Variants in PAPOLG observed in about 807,000 individuals in gnomAD.
PAPOLG encodes PAP-gamma.
A neutral mutation model predicts 99.0 loss-of-function variants in PAPOLG; 40 were observed. That is an observed-to-expected ratio of 0.40 (90% CI 0.31 to 0.53). The LOEUF (loss-of-function observed/expected upper bound fraction) is 0.53. Among genes scored for constraint, PAPOLG ranks in the 20% least tolerant of loss-of-function variants. PAPOLG has a pLI of 0.41. For synonymous variants in PAPOLG, 310 were observed against 299.3 expected, an observed-to-expected ratio of 1.04 and a Z score of -0.37; for missense variants, 675 against 884.1, an observed-to-expected ratio of 0.76 and a Z score of 3.00.
At chr2:60,762,522 T>G (rs1670548917) in intron 3 of PAPOLG, among the ~76,000 whole-genome samples, 1 of 152,190 alleles carries the variant, frequency 6.6e-6, no homozygotes, top group Non-Finnish European at 1.5e-5. Flanking sequence ...TTTCAGATCC[T>G]TTTGCATACT....
At chr2:60,780,370 G>T (rs1218630129) in intron 9 of PAPOLG, among the ~76,000 whole-genome samples, 1 of 151,394 alleles carries the variant, frequency 6.6e-6, no homozygotes, top group Non-Finnish European at 1.5e-5. Context: ...CTGCCTCCTG[G>T]GCTCAAGTGA....
In PAPOLG at chr2:60,769,780, C is replaced by T. The variant is rs533972622; in HGVS notation, c.439-678C>T. Among the ~76,000 whole-genome samples, 30 of 152,006 alleles carry T rather than the reference C, an allele frequency of 2.0e-4. No homozygotes were observed. The South Asian group carries it at 6.0e-3, about 30-fold the overall frequency. On this transcript the variant is annotated intron_variant, in intron 5 of 21. Transcript: ENST00000238714. ...TGTTTTTTTAATTTTACTTTAAGTTCTGGAATACCATGTGCAGAACGTGCA... is the reference window on the plus strand; with the variant it reads ...TGTTTTTTTAATTTTACTTTAAGTTTTGGAATACCATGTGCAGAACGTGCA...
rs765292626 is a variant in PAPOLG at position 60,782,023 on chromosome 2, T to C, written c.1027+18T>C. On this transcript the variant is annotated intron_variant, in intron 11 of 21. Coordinates refer to ENST00000238714, the MANE Select transcript of PAPOLG (RefSeq NM_022894.4). ...TAAACAAGGTAAACATGTGGCCCTGTTGCCCTTTACATATTCCCACAAGTT... is the reference window on the plus strand; with the variant it reads ...TAAACAAGGTAAACATGTGGCCCTGCTGCCCTTTACATATTCCCACAAGTT... 1 of 1,611,766 alleles carries C rather than the reference T, an allele frequency of 6.2e-7. No individual in the cohort carries two copies.
chr2:60,796,476 C>T (rs2103832449), intron 21 of PAPOLG, among the ~76,000 whole-genome samples: 1 of 151,996 alleles, frequency 6.6e-6, no homozygotes, highest in Non-Finnish European at 1.5e-5. Context: ...TCTTTAATGC[C>T]CTCAGAATCC....
At chr2:60,794,454 T>A in intron 19 of PAPOLG, 1 of 569,182 alleles carries the variant, frequency 1.8e-6, no homozygotes, top group Non-Finnish European at 3.0e-6. Flanking sequence ...TGTGTTGATA[T>A]GCCCTGCTTC....
chr2:60,756,505 G>A lies in PAPOLG; in HGVS notation c.17+10G>A, dbSNP rs772644502. 2 of 1,602,270 alleles carry A rather than the reference G, an allele frequency of 1.2e-6. No individual in the cohort carries two copies. The highest frequency in any genetic ancestry group is 1.7e-5 in the Admixed American group (1 of 58,972). ...TGAAAGAGATGTCTGCGTAAGTGGT[G>A]GGGGGCGGCGGTTGGGGTGAGGCGG... On this transcript the variant is annotated intron_variant, in intron 1 of 21. Transcript: ENST00000238714.
intron 16 of PAPOLG, 109 bp downstream of exon 16, chr2:60,791,991 T>C (rs1172010319): frequency 1.4e-5 from 21 of 1,464,218 alleles, no homozygotes; most frequent in Middle Eastern, 1.8e-4. Context: ...AAGGAAGATA[T>C]AGGCAGTTCA....
intron 8 of PAPOLG, among the ~76,000 whole-genome samples, chr2:60,776,156 T>C (rs1161866212): frequency 1.3e-5 from 2 of 152,230 alleles, no homozygotes; most frequent in African/African-American, 4.8e-5. Context: ...TGAAAGTAAC[T>C]TTAATCTCCT....
intron 5 of PAPOLG, among the ~76,000 whole-genome samples, chr2:60,769,744 G>A (rs1289136273): frequency 6.6e-6 from 1 of 151,726 alleles, no homozygotes; most frequent in African/African-American, 2.4e-5. Context: ...GCAGGTTTTT[G>A]TTTTTTTGTT....
chr2:60,799,137 A>G lies in PAPOLG; in HGVS notation c.*1977A>G, dbSNP rs568703839. 8 of 152,510 alleles carry G rather than the reference A, an allele frequency of 5.2e-5. No homozygotes were observed. In the South Asian group the frequency reaches 1.2e-3, roughly 24 times the overall value. The allele number at this position is 152,510 out of a possible 1,614,324, so 9.4% of individuals were successfully genotyped here. On this transcript the variant is annotated 3_prime_UTR_variant, in exon 22 of 22. Coordinates refer to ENST00000238714, the MANE Select transcript of PAPOLG (RefSeq NM_022894.4). ...AGTAAGGAATTTGATTAAATTTTAT[A>G]TACTGGATGTGTATGCATTTCTGCA...
chr2:60,786,804 A>G, intron 13 of PAPOLG, 143 bp from the exon 14 acceptor site: 2 of 890,706 alleles, frequency 2.2e-6, no homozygotes, highest in South Asian at 3.7e-5. Flanking sequence ...TGCTGGGAGT[A>G]CAGATGTGAG....
chr2:60,758,684 C>T (rs1380822179), intron 1 of PAPOLG, among the ~76,000 whole-genome samples: 2 of 152,072 alleles, frequency 1.3e-5, no homozygotes, highest in East Asian at 3.8e-4. Context: ...CTGCCTTGGC[C>T]TCCCAGAGTA....
chr2:60,769,866 T>C (rs968640736), intron 5 of PAPOLG, among the ~76,000 whole-genome samples: 3 of 152,148 alleles, frequency 2.0e-5, no homozygotes, highest in Non-Finnish European at 4.4e-5. Context: ...ACCCATTATC[T>C]AGGTTTTAAG....
At chr2:60,782,588 G>T (rs1204250523) in intron 11 of PAPOLG, 98 bp from the exon 12 acceptor site, 5 of 1,353,338 alleles carry the variant, frequency 3.7e-6, no homozygotes, top group African/African-American at 3.2e-5. Flanking sequence ...TCGTCTGGTG[G>T]AGTTTGAGAT....
Position 60,761,368 on chromosome 2 carries a change from A to G in PAPOLG, c.180-373A>G, listed in dbSNP as rs189769686. On this transcript the variant is annotated intron_variant, in intron 2 of 21. Coordinates refer to ENST00000238714, the MANE Select transcript of PAPOLG (RefSeq NM_022894.4). ...AATTAGTCAAAGACCTATTACTAGC[A>G]ATGAGAGAATTCTAGCTTCTATTAC... 1.1e-4 allele frequency among the ~76,000 whole-genome samples: 17 copies of G among 152,358 alleles called. 1 individual carries two copies. The East Asian group carries it at 3.1e-3, about 28-fold the overall frequency.
chr2:60,775,078 G>C lies in PAPOLG; in HGVS notation c.649G>C (p.Glu217Gln). 6.2e-7 allele frequency: 1 copy of C among 1,613,428 alleles called. No homozygotes were observed. Among genetic ancestry groups the C allele is most frequent in the Non-Finnish European group, 8.5e-7 (1 of 1,179,770 alleles). Reference sequence around the variant, plus strand: ...AATTTTGCATTTAGTGCCAAATAAAGAAACTTTTAGACTCACCCTAAGAGC... The same window carrying C: ...AATTTTGCATTTAGTGCCAAATAAACAAACTTTTAGACTCACCCTAAGAGC... ...DEILHLVPNK[E>Q]TFRLTLRAVK... is the part of the protein sequence containing the mutation. Residue 217 changes from glutamate (E) to glutamine (Q), a missense_variant, in exon 8 of 22, where the codon GAA becomes CAA. This residue lies in a region of PAPOLG where 113 missense variants were observed against 231.5 expected (regional missense o/e 0.49). Coordinates refer to ENST00000238714, the MANE Select transcript of PAPOLG (RefSeq NM_022894.4).
At chr2:60,781,326 C>T (rs1671183400) in intron 10 of PAPOLG, among the ~76,000 whole-genome samples, 1 of 151,484 alleles carries the variant, frequency 6.6e-6, no homozygotes. Context: ...CACTGCACTC[C>T]AGCCTGGGTG....
At chr2:60,796,499 T>C (rs1409115716) in intron 21 of PAPOLG, among the ~76,000 whole-genome samples, 2 of 152,100 alleles carry the variant, frequency 1.3e-5, no homozygotes, top group African/African-American at 2.4e-5. Flanking sequence ...CAAACCGATG[T>C]CCCTGAATTT....
intron 7 of PAPOLG, among the ~76,000 whole-genome samples, chr2:60,772,918 T>C (rs773673462): frequency 5.3e-5 from 8 of 151,196 alleles, no homozygotes; most frequent in Non-Finnish European, 8.9e-5. Flanking sequence ...ACTGGTCTTT[T>C]TCTTTTCTTT....
Sources: gnomAD v4.1 joint callset for allele counts (sites outside exome capture counted in the v4.1 genomes callset) on GRCh38, gnomAD v4.1.1 for gene constraint, gnomAD v4.1.1 regional missense constraint, MANE v1.5 for transcripts, NCBI Gene and HGNC (gene_info 2026-07-23, HGNC 2026-07-21) for gene names.